The following PITX3 variants were observed in gnomAD, a reference collection of about 807,000 sequenced individuals.
PITX3 encodes pituitary homeobox 3.
Under a neutral mutation model 14.2 loss-of-function variants are expected in PITX3, and 4 were observed. The observed-to-expected ratio is 0.28, with a 90% CI of 0.14 to 0.65. The LOEUF is 0.65. PITX3 is among the 30% of genes least tolerant of loss of function. PITX3 has a pLI of 0.82. For missense variants in PITX3, 358 were observed against 426.8 expected (o/e 0.84, Z 1.42); for synonymous variants, 194 against 204.5 (o/e 0.95, Z 0.44).
intron 1 of PITX3, among the ~76,000 whole-genome samples, chr10:102,235,812 T>A (rs1218939381): frequency 6.6e-6 from 1 of 152,166 alleles, no homozygotes; most frequent in African/African-American, 2.4e-5. Context: ...GTGAGTACGC[T>A]GCATTACTGA....
In PITX3 at chr10:102,230,612, C is replaced by G; in HGVS notation, c.811G>C (p.Ala271Pro). ...NSSLASLRLKAKQHASFSYPA... is the reference protein window; with the variant it reads ...NSSLASLRLKPKQHASFSYPA... ...TAGCTGAAGGAGGCGTGCTGTTTGG[C>G]TTTGAGCCGCAGGCTGGCCAGGCTC... The change falls in exon 4 of 4, where the codon GCC becomes CCC. Residue 271 changes from alanine to proline, a missense_variant. Transcript: ENST00000370002. The G allele has an allele frequency of 6.2e-7, 1 of 1,610,362 alleles. No individual in the cohort carries two copies. The highest frequency in any genetic ancestry group is 8.5e-7 in the Non-Finnish European group (1 of 1,178,590).
At chr10:102,237,111 T>C (rs2070414178) in intron 1 of PITX3, among the ~76,000 whole-genome samples, 1 of 152,014 alleles carries the variant, frequency 6.6e-6, no homozygotes, top group African/African-American at 2.4e-5. Context: ...AAGTATTAGG[T>C]GTTAAGAGGG....
At chr10:102,236,201 C>G (rs940768656) in intron 1 of PITX3, among the ~76,000 whole-genome samples, 1 of 152,198 alleles carries the variant, frequency 6.6e-6, no homozygotes, top group African/African-American at 2.4e-5. Flanking sequence ...TAAGCTCCCC[C>G]AAACTGCTGG....
chr10:102,240,668 A>G (rs1468095841), intron 1 of PITX3, among the ~76,000 whole-genome samples: 1 of 152,172 alleles, frequency 6.6e-6, no homozygotes, highest in Non-Finnish European at 1.5e-5. Context: ...TGCACCGCGG[A>G]CATTCTGTCC....
chr10:102,234,759 GGA>G (rs1442311202), intron 1 of PITX3, among the ~76,000 whole-genome samples: 1 of 152,130 alleles, frequency 6.6e-6, no homozygotes, highest in Non-Finnish European at 1.5e-5. Context: ...TTTACCTGTG[GGA>G]AAAGCAGTCC....
Position 102,230,502 on chromosome 10 carries a change from G to C in PITX3, c.*12C>G, listed in dbSNP as rs1203325816. On this transcript the variant is annotated 3_prime_UTR_variant, in exon 4 of 4. Transcript: ENST00000370002. ...GCCCCCGCCCTCGGGGATGATCTACGGGCGGGGCCGCTCATACGGGCCTTT... is the reference window on the plus strand; with the variant it reads ...GCCCCCGCCCTCGGGGATGATCTACCGGCGGGGCCGCTCATACGGGCCTTT... The C allele has an allele frequency of 6.2e-7, 1 of 1,601,596 alleles. No homozygotes were observed. Among genetic ancestry groups the C allele is most frequent in the East Asian group, 2.3e-5 (1 of 44,346 alleles).
intron 1 of PITX3, among the ~76,000 whole-genome samples, chr10:102,237,886 C>T (rs1051438142): frequency 7.2e-5 from 11 of 152,042 alleles, no homozygotes; most frequent in Admixed American, 1.3e-4. Flanking sequence ...CCTCCTCCCC[C>T]GCCCACCCCA....
At chr10:102,231,850 C>T (rs910364371) in intron 2 of PITX3, 60 bp from the exon 3 acceptor site, 26 of 1,581,416 alleles carry the variant, frequency 1.6e-5, no homozygotes, top group East Asian at 2.2e-5. Context: ...TTCTCCGGCT[C>T]GGGGACCTCC....
intron 1 of PITX3, among the ~76,000 whole-genome samples, chr10:102,240,768 G>A (rs2070514269): frequency 6.6e-6 from 1 of 152,244 alleles, no homozygotes; most frequent in African/African-American, 2.4e-5. Context: ...ACTCTGATCC[G>A]CACAGCGGCC....
chr10:102,230,900 T>C lies in PITX3; in HGVS notation c.523A>G (p.Asn175Asp). The C allele has an allele frequency of 6.2e-7, 1 of 1,611,660 alleles. No homozygotes were observed. The highest frequency in any genetic ancestry group is 1.1e-5 in the South Asian group (1 of 90,920). ...GCCAGAGGCCCCACGTTGACCGAGT[T>C]GAAGGCGAATGGAAAGGTCTTGGCG... ...LAAKTFPFAF[N>D]SVNVGPLASQ... is the part of the protein sequence containing the mutation. The change falls in exon 4 of 4, where the codon AAC becomes GAC. Residue 175 changes from asparagine to aspartate, a missense_variant. Around this residue, in one of 3 missense-constraint regions of PITX3, gnomAD observed 236 missense variants for 250.2 expected, o/e 0.94. Coordinates refer to ENST00000370002, the MANE Select transcript of PITX3 (RefSeq NM_005029.4).
At chr10:102,232,277 C>G (rs2070266984) in intron 1 of PITX3, among the ~76,000 whole-genome samples, 185 bp from the exon 2 acceptor site, 1 of 152,236 alleles carries the variant, frequency 6.6e-6, no homozygotes. Flanking sequence ...GAGGTGCATG[C>G]TGAGAGGTTC....
rs1327405920 is a variant in PITX3 at position 102,230,471 on chromosome 10, A to G, written c.*43T>C. ...TGACCCCAGTCCGCGGAGGCTGTGA[A>G]TCGTTGCCCCCGCCCTCGGGGATGA... On this transcript the variant is annotated 3_prime_UTR_variant, in exon 4 of 4. Coordinates refer to ENST00000370002, the MANE Select transcript of PITX3 (RefSeq NM_005029.4). 1 of 1,579,314 alleles carries G rather than the reference A, an allele frequency of 6.3e-7. No homozygotes were observed. The highest frequency in any genetic ancestry group is 8.6e-7 in the Non-Finnish European group (1 of 1,162,772).
intron 1 of PITX3, among the ~76,000 whole-genome samples, chr10:102,237,933 G>T (rs1474347138): frequency 6.6e-6 from 1 of 151,862 alleles, no homozygotes; most frequent in Non-Finnish European, 1.5e-5. Context: ...AGGGGTCACT[G>T]GAGGCTTGTA....
In PITX3 at chr10:102,230,227, C is replaced by T; in HGVS notation, c.*287G>A. On this transcript the variant is annotated 3_prime_UTR_variant, in exon 4 of 4. Transcript: ENST00000370002. ...CGTTTATTTCATTTATCTTTGAAAA[C>T]GAGGGAGGGGAAGCCTGGAGAAGGC... 1 of 444,990 alleles carries T rather than the reference C, an allele frequency of 2.2e-6. No individual in the cohort carries two copies. Among genetic ancestry groups the T allele is most frequent in the East Asian group, 3.5e-5 (1 of 28,484 alleles). The allele number at this position is 444,990 out of a possible 1,614,324, so 27.6% of individuals were successfully genotyped here.
rs775199712 is a variant in PITX3, at chr10:102,231,797, G to T, written c.119-7C>A. 6.3e-7 allele frequency: 1 copy of T among 1,596,472 alleles called. No individual in the cohort carries two copies. The highest frequency in any genetic ancestry group is 1.1e-5 in the South Asian group (1 of 90,018). On this transcript the variant is annotated splice_polypyrimidine_tract_variant and splice_region_variant and intron_variant, in intron 2 of 3. Transcript: ENST00000370002. ...GCCGAGGCCTTTTCTGAGTCTGGGGGCCAGGGTGGGGGCAGGTCACAGAGC... is the reference window on the plus strand; with the variant it reads ...GCCGAGGCCTTTTCTGAGTCTGGGGTCCAGGGTGGGGGCAGGTCACAGAGC...
chr10:102,236,140 GGCTGGGGGCGCCAAGCTGTTGTCTGA>G (rs1393698039), intron 1 of PITX3, among the ~76,000 whole-genome samples: 3 of 152,330 alleles, frequency 2.0e-5, no homozygotes, highest in Admixed American at 6.5e-5. Context: ...GTCAGGCAAA[GGCTGGGGGCGCCAAGCTGTTGTCTGA>G]GCTGGAGACA....
Position 102,241,084 on chromosome 10 carries a change from A to G in PITX3, c.-13+249T>C, listed in dbSNP as rs1005655996. On this transcript the variant is annotated intron_variant, in intron 1 of 3. Transcript: ENST00000370002. The surrounding 1 kb of genome is among the most constrained non-coding windows in gnomAD (Gnocchi z 6.7). ...CTACTCCCTGCCTCGCGAAGCCCCT[A>G]TCCTGGTTTCAAGTCTCCGGCTTCG... 2.0e-5 allele frequency among the ~76,000 whole-genome samples: 3 copies of G among 151,644 alleles called. No homozygotes were observed. Among genetic ancestry groups the G allele is most frequent in the African/African-American group, 4.8e-5 (2 of 41,278 alleles).
Position 102,230,998 on chromosome 10 carries a change from G to A in PITX3, c.425C>T (p.Pro142Leu), listed in dbSNP as rs775844748. The A allele has an allele frequency of 5.6e-6, 9 of 1,600,802 alleles. No homozygotes were observed. The highest frequency in any genetic ancestry group is 1.1e-5 in the South Asian group (1 of 89,804). Residue 142 changes from proline to leucine, a missense_variant, in exon 4 of 4, where the codon CCG (proline) becomes CTG (leucine). This residue lies in a region of PITX3 where 236 missense variants were observed against 250.2 expected (regional missense o/e 0.94). Coordinates refer to ENST00000370002, the MANE Select transcript of PITX3 (RefSeq NM_005029.4). ...SFAAPLGGLV[P>L]PYEEVYPGYS... ...GCCGGGGTACACCTCCTCGTAGGGC[G>A]GCACCAGCCCCCCGAGCGGCGCCGC...
intron 1 of PITX3, among the ~76,000 whole-genome samples, chr10:102,232,538 T>C (rs1427357784): frequency 6.6e-6 from 1 of 151,880 alleles, no homozygotes; most frequent in Non-Finnish European, 1.5e-5. Context: ...CAAAAATTGC[T>C]GGGCGGGGTG....
Sources: gnomAD v4.1 joint callset for allele counts (sites outside exome capture counted in the v4.1 genomes callset) on GRCh38, gnomAD v4.1.1 for gene constraint, gnomAD v4.1.1 regional missense constraint, Gnocchi (gnomAD v3.1) non-coding constraint, MANE v1.5 for transcripts, NCBI Gene and HGNC (gene_info 2026-07-23, HGNC 2026-07-21) for gene names.